Variants in ADGRL2 observed in about 807,000 individuals in gnomAD.
ADGRL2 encodes calcium-independent alpha-latrotoxin receptor 2.
ADGRL2 carries 44 observed loss-of-function variants against 157.4 expected under a neutral mutation model. The ratio of observed to expected loss-of-function variants is 0.28; its 90% CI spans 0.22 to 0.36. ADGRL2 has a LOEUF of 0.36. Among genes scored for constraint, ADGRL2 ranks in the 10% least tolerant of loss-of-function variants. The probability of loss-of-function intolerance (pLI) is 1.00; values close to 1 mark genes in which losing one functional copy is unlikely to be tolerated. For synonymous variants in ADGRL2, 585 were observed against 624.7 expected, an observed-to-expected ratio of 0.94 and a Z score of 0.95; for missense variants, 1,510 against 1,768.9, an observed-to-expected ratio of 0.85 and a Z score of 2.63.
chr1:81,714,617 A>G (rs1244336321), intron 1 of ADGRL2, among the ~76,000 whole-genome samples: 1 of 152,228 alleles, frequency 6.6e-6, no homozygotes, highest in Non-Finnish European at 1.5e-5. Flanking sequence ...TAAAGGGGAT[A>G]AAGAAGATTT....
intron 1 of ADGRL2, among the ~76,000 whole-genome samples, chr1:81,388,944 G>C (rs999715567): frequency 6.6e-6 from 1 of 152,024 alleles, no homozygotes; most frequent in Non-Finnish European, 1.5e-5. Context: ...ATAGTCTTTT[G>C]CAGTCCCTTG....
chr1:81,565,141 T>C (rs1052240985), intron 2 of ADGRL2, among the ~76,000 whole-genome samples: 5 of 152,216 alleles, frequency 3.3e-5, no homozygotes, highest in African/African-American at 1.2e-4. Context: ...ACAACAGCTG[T>C]TTGAACACAG....
At chr1:81,451,411 T>C (rs912593480) in intron 2 of ADGRL2, among the ~76,000 whole-genome samples, 2 of 152,186 alleles carry the variant, frequency 1.3e-5, no homozygotes, top group African/African-American at 4.8e-5. Context: ...AATTTGTAAA[T>C]ATCAAAACAT....
rs183190233 is a variant in ADGRL2, at chr1:81,956,407, G to T, written c.2017+347G>T. Among the ~76,000 whole-genome samples, 131 of 152,218 alleles carry T rather than the reference G, an allele frequency of 8.6e-4. 1 individual carries two copies. In the South Asian group the frequency reaches 0.026, roughly 30 times the overall value. Reference sequence around the variant, plus strand: ...AATGCTTAATCGTTTTATATAATATGTTCCTAATGAATTTAAATTATTTTA... The same window carrying T: ...AATGCTTAATCGTTTTATATAATATTTTCCTAATGAATTTAAATTATTTTA... On this transcript the variant is annotated intron_variant, in intron 11 of 23. Coordinates refer to ENST00000686636, the MANE Select transcript of ADGRL2 (RefSeq NM_001366006.2).
intron 2 of ADGRL2, among the ~76,000 whole-genome samples, chr1:81,766,329 C>T (rs1264907722): frequency 6.6e-6 from 1 of 152,120 alleles, no homozygotes; most frequent in Non-Finnish European, 1.5e-5. Context: ...ATTCTCCCAA[C>T]TTTCCTAAAC....
chr1:81,922,588 A>G (rs1462124561), intron 3 of ADGRL2, among the ~76,000 whole-genome samples: 1 of 152,164 alleles, frequency 6.6e-6, no homozygotes, highest in Non-Finnish European at 1.5e-5. Flanking sequence ...TTTTATCTGT[A>G]TAGATATTAT....
At chr1:81,497,852 G>A (rs1328733352) in intron 2 of ADGRL2, among the ~76,000 whole-genome samples, 1 of 152,172 alleles carries the variant, frequency 6.6e-6, no homozygotes, top group Non-Finnish European at 1.5e-5. Context: ...GATGTGAACT[G>A]TTTAAAAATT....
chr1:81,491,172 AT>A (rs113040115), intron 2 of ADGRL2, among the ~76,000 whole-genome samples: 22,200 of 152,166 alleles, frequency 0.15, 2,992 homozygotes, highest in African/African-American at 0.36. Flanking sequence ...GGACAAATAT[AT>A]AATGTTATGT....
intron 3 of ADGRL2, among the ~76,000 whole-genome samples, chr1:81,628,136 T>C (rs2081946268): frequency 6.6e-6 from 1 of 152,146 alleles, no homozygotes; most frequent in Non-Finnish European, 1.5e-5. Flanking sequence ...CTCAAAGTCA[T>C]TGAGATCTAA....
At chr1:81,888,422 T>C (rs1466551369) in intron 2 of ADGRL2, among the ~76,000 whole-genome samples, 2 of 152,068 alleles carry the variant, frequency 1.3e-5, no homozygotes, top group Admixed American at 6.6e-5. Context: ...TTTGTAGATA[T>C]TGCATTGTTT....
intron 2 of ADGRL2, among the ~76,000 whole-genome samples, chr1:81,497,306 GTTTC>G (rs1178951655): frequency 6.6e-6 from 1 of 151,960 alleles, no homozygotes; most frequent in Non-Finnish European, 1.5e-5. Context: ...AATGCAAGAG[GTTTC>G]TTTGTTTGTA....
At chr1:81,528,963 G>A (rs558568916) in intron 2 of ADGRL2, among the ~76,000 whole-genome samples, 23 of 152,298 alleles carry the variant, frequency 1.5e-4, no homozygotes, top group South Asian at 1.0e-3. Context: ...TTAAGAGGGC[G>A]ATGAATAAGA....
At chr1:81,986,584 GTTGATCTCTA>G (rs1428078164) in intron 21 of ADGRL2, among the ~76,000 whole-genome samples, 1 of 151,992 alleles carries the variant, frequency 6.6e-6, no homozygotes, top group African/African-American at 2.4e-5. Context: ...GAAACATAAT[GTTGATCTCTA>G]TGCATTTAAT....
chr1:81,436,121 C>A (rs574364114), intron 1 of ADGRL2, among the ~76,000 whole-genome samples: 1 of 152,194 alleles, frequency 6.6e-6, no homozygotes, highest in African/African-American at 2.4e-5. Flanking sequence ...AATCATACAT[C>A]TTCAAAAGGA....
intron 3 of ADGRL2, among the ~76,000 whole-genome samples, chr1:81,630,330 A>T (rs569369904): frequency 6.6e-6 from 1 of 152,272 alleles, no homozygotes; most frequent in South Asian, 2.1e-4. Context: ...GGGCAGTGAC[A>T]AGGCTGACTC....
chr1:81,940,773 T>C (rs975436850), intron 4 of ADGRL2, among the ~76,000 whole-genome samples: 5 of 151,660 alleles, frequency 3.3e-5, no homozygotes, highest in South Asian at 2.1e-4. Context: ...GAAACAGACA[T>C]CAGTCTTGTC....
intron 2 of ADGRL2, among the ~76,000 whole-genome samples, chr1:81,874,609 T>TC (rs1417960518): frequency 5.4e-5 from 8 of 147,556 alleles, no homozygotes; most frequent in African/African-American, 7.5e-5. Context: ...TCTTGTCTTG[T>TC]TTGTCTTGTC....
chr1:81,314,357 G>A (rs1191855819), intron 1 of ADGRL2, among the ~76,000 whole-genome samples: 1 of 152,168 alleles, frequency 6.6e-6, no homozygotes, highest in Non-Finnish European at 1.5e-5. Flanking sequence ...AAGCAACAAT[G>A]TCCAGTTTGC....
At chr1:81,704,164 A>G (rs940038930) in intron 1 of ADGRL2, among the ~76,000 whole-genome samples, 1 of 152,250 alleles carries the variant, frequency 6.6e-6, no homozygotes, top group African/African-American at 2.4e-5. Flanking sequence ...CACCTGGGTG[A>G]AACACCAAAT....
Sources: allele counts gnomAD v4.1 joint callset (sites outside exome capture counted in the v4.1 genomes callset), GRCh38; gene constraint gnomAD v4.1.1; transcripts MANE v1.5; gene names NCBI Gene and HGNC (gene_info 2026-07-23, HGNC 2026-07-21).